The following ALK variants were observed in gnomAD, a reference collection of about 807,000 sequenced individuals.
ALK encodes ALK tyrosine kinase receptor.
A neutral mutation model predicts 163.1 loss-of-function variants in ALK; 74 were observed. The ratio of observed to expected loss-of-function variants is 0.45; its 90% confidence interval spans 0.38 to 0.55. The LOEUF (loss-of-function observed/expected upper bound fraction) is 0.55, where lower values mean the gene tolerates loss of function less well. Among genes scored for constraint, ALK ranks in the 20% least tolerant of loss-of-function variants. ALK has a pLI of 0.00. For missense variants in ALK, 2,063 were observed against 2,105.3 expected (o/e 0.98, Z 0.39); for synonymous variants, 960 against 843.2 (o/e 1.14, Z -2.40).
At chr2:29,347,463 G>A (rs1386168627) in intron 5 of ALK, among the ~76,000 whole-genome samples, 3 of 152,202 alleles carry the variant, frequency 2.0e-5, no homozygotes, top group Non-Finnish European at 4.4e-5. Flanking sequence ...GTCAGGAAGT[G>A]GCAGGGCTCA....
At chr2:29,414,490 C>T (rs1440356264) in intron 4 of ALK, among the ~76,000 whole-genome samples, 5 of 152,100 alleles carry the variant, frequency 3.3e-5, no homozygotes, top group African/African-American at 7.2e-5. Flanking sequence ...TCTCTCCCTG[C>T]GAGTAGGTCA....
intron 4 of ALK, among the ~76,000 whole-genome samples, chr2:29,447,172 T>C (rs1313724939): frequency 1.3e-5 from 2 of 152,132 alleles, no homozygotes; most frequent in African/African-American, 4.8e-5. Context: ...TCCAGATACC[T>C]GATGGAGGCA....
intron 9 of ALK, among the ~76,000 whole-genome samples, chr2:29,293,300 C>T (rs897366436): frequency 2.0e-5 from 3 of 152,138 alleles, no homozygotes; most frequent in Non-Finnish European, 2.9e-5. Context: ...TGCAATTTCC[C>T]TCAATACATC....
At chr2:29,257,371 G>A (rs1024677152) in intron 11 of ALK, among the ~76,000 whole-genome samples, 1 of 152,024 alleles carries the variant, frequency 6.6e-6, no homozygotes, top group African/African-American at 2.4e-5. Context: ...GTTATAGACA[G>A]TTGAGTACAG....
chr2:29,784,680 G>C (rs1422017424), intron 1 of ALK, among the ~76,000 whole-genome samples: 1 of 145,864 alleles, frequency 6.9e-6, no homozygotes, highest in Non-Finnish European at 1.5e-5. Flanking sequence ...GGGTGACAGA[G>C]CAAGACCTCC....
intron 1 of ALK, among the ~76,000 whole-genome samples, chr2:29,908,681 C>G (rs1269746623): frequency 6.6e-6 from 1 of 152,212 alleles, no homozygotes; most frequent in East Asian, 1.9e-4. Context: ...GCACTGAAAA[C>G]TACTGCTCAT....
intron 1 of ALK, among the ~76,000 whole-genome samples, chr2:29,836,958 A>T (rs1177603546): frequency 6.6e-6 from 1 of 152,220 alleles, no homozygotes; most frequent in Non-Finnish European, 1.5e-5. Context: ...TGAAACTAAA[A>T]AATATTCATA....
chr2:29,836,849 A>G (rs1665574981), intron 1 of ALK, among the ~76,000 whole-genome samples: 1 of 152,244 alleles, frequency 6.6e-6, no homozygotes, highest in Non-Finnish European at 1.5e-5. Flanking sequence ...CAGTTCCTCC[A>G]TATGCAAAAT....
At chr2:29,255,685 G>T (rs1461048968) in intron 11 of ALK, among the ~76,000 whole-genome samples, 1 of 152,122 alleles carries the variant, frequency 6.6e-6, no homozygotes, top group Non-Finnish European at 1.5e-5. Context: ...TCCAAGCCTT[G>T]TCAGATTGTC....
In ALK at chr2:29,531,798, C is replaced by T. The variant is rs1673125660; in HGVS notation, c.1154+117G>A. On this transcript the variant is annotated intron_variant, in intron 4 of 28. Transcript: ENST00000389048. Reference sequence around the variant, plus strand: ...TTAGTAGTAATTGCTCAACCTGGACCTACCGATTAAAGGACAATCATGAGT... The same window carrying T: ...TTAGTAGTAATTGCTCAACCTGGACTTACCGATTAAAGGACAATCATGAGT... 4.6e-6 allele frequency: 5 copies of T among 1,089,250 alleles called. No individual in the cohort carries two copies. The Admixed American group carries it at 9.3e-5, about 20-fold the overall frequency. The allele number at this position is 1,089,250 out of a possible 1,614,324, so 67.5% of individuals were successfully genotyped here.
rs567498111 is a variant in ALK, at chr2:29,920,045, G to A, written c.615C>T (p.Ser205=). 1.5e-5 allele frequency: 24 copies of A among 1,614,054 alleles called. No individual in the cohort carries two copies. The highest frequency in any genetic ancestry group is 4.5e-5 in the East Asian group (2 of 44,882). ...ASEVGREGRL[S]AAIRASQPRL... is the part of the protein sequence containing the mutation. The stretch of plus-strand genomic sequence containing the variant: ...GGGGCTGGGAGGCGCGAATTGCCGC[G>A]GACAGCCTTCCCTCTCTGCCCACTT... The change falls in exon 1 of 29, where the codon TCC becomes TCT. Residue 205 remains serine, a synonymous_variant. Transcript: ENST00000389048.
chr2:29,529,845 T>G (rs1673069939), intron 4 of ALK, among the ~76,000 whole-genome samples: 1 of 152,132 alleles, frequency 6.6e-6, no homozygotes, highest in Non-Finnish European at 1.5e-5. Flanking sequence ...TCAGTCCCAA[T>G]TCCTCTCTCC....
intron 3 of ALK, among the ~76,000 whole-genome samples, chr2:29,605,393 C>G (rs1675516345): frequency 6.6e-6 from 1 of 152,108 alleles, no homozygotes; most frequent in Non-Finnish European, 1.5e-5. Flanking sequence ...TCATAAATGA[C>G]CAGGATTGAA....
At chr2:29,852,925 G>A (rs966130564) in intron 1 of ALK, among the ~76,000 whole-genome samples, 2 of 151,718 alleles carry the variant, frequency 1.3e-5, no homozygotes, top group Non-Finnish European at 1.5e-5. Context: ...TAAGTAGGAA[G>A]CAGCCATCAC....
intron 3 of ALK, among the ~76,000 whole-genome samples, chr2:29,667,134 A>G (rs376085735): frequency 6.6e-6 from 1 of 152,106 alleles, no homozygotes; most frequent in East Asian, 1.9e-4. Flanking sequence ...ATAGTGTTGC[A>G]ATAAACAGGA....
rs79726967 is a variant in ALK, at chr2:29,679,232, A to C, written c.952+15618T>G. 9.1e-3 allele frequency among the ~76,000 whole-genome samples: 1,385 copies of C among 151,650 alleles called. 30 individuals carry two copies. The highest frequency in any genetic ancestry group is 0.03 in the African/African-American group (1,231 of 41,408). On this transcript the variant is annotated intron_variant, in intron 3 of 28. Coordinates refer to ENST00000389048, the MANE Select transcript of ALK (RefSeq NM_004304.5). ...TCTCTTTTCCAATCCTTTTACTTTC[A>C]ATCTATTTGAGTATTTGAGTCTAAA...
chr2:29,628,115 T>TA (rs1676249417), intron 3 of ALK, among the ~76,000 whole-genome samples: 1 of 152,248 alleles, frequency 6.6e-6, no homozygotes, highest in Non-Finnish European at 1.5e-5. Context: ...TGTGTAAAGT[T>TA]AAAAAGTATG....
chr2:29,595,923 C>T (rs1268088626), intron 3 of ALK, among the ~76,000 whole-genome samples: 2 of 152,024 alleles, frequency 1.3e-5, no homozygotes, highest in African/African-American at 2.4e-5. Flanking sequence ...GAACTCTGGA[C>T]GAAGATAAGG....
intron 4 of ALK, among the ~76,000 whole-genome samples, chr2:29,401,308 C>T (rs765626042): frequency 6.6e-6 from 1 of 152,094 alleles, no homozygotes; most frequent in Non-Finnish European, 1.5e-5. Flanking sequence ...TCGAATACTC[C>T]ACAACCCCCT....
Sources: allele counts gnomAD v4.1 joint callset (sites outside exome capture counted in the v4.1 genomes callset), GRCh38; gene constraint gnomAD v4.1.1; transcripts MANE v1.5; gene names NCBI Gene and HGNC (gene_info 2026-07-23, HGNC 2026-07-21).